The following DNAJC21 variants were observed in gnomAD, a reference collection of about 807,000 sequenced individuals.
The protein encoded by DNAJC21 is dnaJ homolog subfamily C member 21.
Under a neutral mutation model 72.4 loss-of-function variants are expected in DNAJC21, and 63 were observed. That is an observed-to-expected ratio of 0.87 (90% CI 0.71 to 1.07). The LOEUF is 1.07. Among genes scored for constraint, DNAJC21 ranks in the 50% least tolerant of loss-of-function variants. The pLI is 0.00. For synonymous variants in DNAJC21, 203 were observed against 216.7 expected (o/e 0.94, Z 0.56); for missense variants, 634 against 644.8 (o/e 0.98, Z 0.18).
chr5:34,941,221 A>C, intron 7 of DNAJC21, 38 bp downstream of exon 7: 1 of 1,564,846 alleles, frequency 6.4e-7, no homozygotes, highest in Non-Finnish European at 8.8e-7. Context: ...ATTTTGAGAC[A>C]GGGTCTCACT....
At position 34,958,003 on chromosome 5, in the gene DNAJC21, T is replaced by G. The variant is rs527339236; in HGVS notation, c.*3289T>G. On this transcript the variant is annotated 3_prime_UTR_variant, in exon 12 of 12. Transcript: ENST00000648817. ...GAAAAATTAGAGGTGATTTTCAGAT[T>G]TCTTGTTCTATGGAAGAGGAAGCTG... 6 of 152,284 alleles carry G rather than the reference T, an allele frequency of 3.9e-5. No homozygotes were observed. The highest frequency in any genetic ancestry group is 1.9e-4 in the East Asian group (1 of 5,180). 9.4% of individuals were successfully genotyped at this position (152,284 alleles called of 1,614,324 possible).
intron 7 of DNAJC21, among the ~76,000 whole-genome samples, chr5:34,943,608 G>T (rs1301118401): frequency 6.6e-6 from 1 of 152,156 alleles, no homozygotes; most frequent in Non-Finnish European, 1.5e-5. Flanking sequence ...TTAAAACTAT[G>T]CAGATATCTT....
At chr5:34,930,380 CTTAGTTAAGAAG>C (rs1764549399) in intron 1 of DNAJC21, 1 of 152,522 alleles carries the variant, frequency 6.6e-6, no homozygotes. Context: ...CTTTTCGTTT[CTTAGTTAAGAAG>C]TTAAGACACG....
chr5:34,953,441 T>C (rs541612219), intron 10 of DNAJC21: 1 of 152,222 alleles, frequency 6.6e-6, no homozygotes, highest in East Asian at 2.0e-4. Context: ...TTTATATTTT[T>C]AATAGAGGCG....
chr5:34,954,154 T>C, intron 11 of DNAJC21, 153 bp downstream of exon 11: 1 of 576,522 alleles, frequency 1.7e-6, no homozygotes, highest in Admixed American at 4.0e-5. Context: ...ATAATGTATC[T>C]TTTTTTTTCA....
intron 6 of DNAJC21, among the ~76,000 whole-genome samples, chr5:34,939,289 C>T (rs959224338): frequency 3.3e-5 from 5 of 150,690 alleles, no homozygotes; most frequent in East Asian, 3.9e-4. Flanking sequence ...GACGGAGTCT[C>T]GCTCTGTCGC....
At chr5:34,943,300 C>T (rs1187477293) in intron 7 of DNAJC21, among the ~76,000 whole-genome samples, 6 of 152,108 alleles carry the variant, frequency 3.9e-5, no homozygotes, top group African/African-American at 1.4e-4. Flanking sequence ...TTTAGAAGTA[C>T]ACTGTTTTCA....
chr5:34,952,296 G>T, intron 10 of DNAJC21: 1 of 961,798 alleles, frequency 1.0e-6, no homozygotes, highest in Non-Finnish European at 1.2e-6. Context: ...TTGAAAATTA[G>T]TATGTATTAT....
intron 7 of DNAJC21, among the ~76,000 whole-genome samples, chr5:34,942,643 G>A (rs559836044): frequency 2.0e-5 from 3 of 152,228 alleles, no homozygotes; most frequent in South Asian, 2.1e-4. Context: ...TGTTACTAAC[G>A]TTTTGCACAA....
chr5:34,932,370 A>G (rs1363123891), intron 1 of DNAJC21, among the ~76,000 whole-genome samples: 1 of 151,450 alleles, frequency 6.6e-6, no homozygotes, highest in Non-Finnish European at 1.5e-5. Context: ...GCAGTGAGCC[A>G]AGATCGCGCC....
rs776240768 is a variant in DNAJC21, at chr5:34,945,013, C to T, written c.1130C>T (p.Ala377Val). The part of the protein sequence containing the change: ...DDNSEEEMED[A>V]PKQKLSKKQK... ...AATTCTGAGGAAGAAATGGAAGATG[C>T]ACCAAAACAAAAGTACTTCTAAATA... The change falls in exon 8 of 12, where the codon GCA becomes GTA. Residue 377 changes from alanine to valine, a missense_variant. Physicochemically the swap from Ala to Val is moderately conservative, Grantham distance 64. Transcript: ENST00000648817. The T allele has an allele frequency of 1.2e-6, 2 of 1,612,664 alleles. No individual in the cohort carries two copies. Among genetic ancestry groups the T allele is most frequent in the Admixed American group, 1.7e-5 (1 of 59,542 alleles).
chr5:34,937,418 C>A lies in DNAJC21; in HGVS notation c.531C>A (p.Asn177Lys). Reference sequence around the variant, plus strand: ...AATATGATACACGACAGGCTTCAAACCGCTGGGAAAAACGAGCCATGGAAA... The same window carrying A: ...AATATGATACACGACAGGCTTCAAAACGCTGGGAAAAACGAGCCATGGAAA... Reference protein sequence around the residue: ...KEEYDTRQASNRWEKRAMEKE... With the variant: ...KEEYDTRQASKRWEKRAMEKE... The change falls in exon 5 of 12, where the codon AAC (asparagine) becomes AAA (lysine). Residue 177 changes from asparagine to lysine, a missense_variant. Physicochemically the swap from Asn to Lys is moderately conservative, Grantham distance 94. Transcript: ENST00000648817. 6.2e-7 allele frequency: 1 copy of A among 1,614,118 alleles called. No individual in the cohort carries two copies. Among genetic ancestry groups the A allele is most frequent in the Non-Finnish European group, 8.5e-7 (1 of 1,180,034 alleles).
intron 10 of DNAJC21, chr5:34,953,449 G>A (rs1231498376): frequency 6.6e-6 from 1 of 152,102 alleles, no homozygotes; most frequent in East Asian, 1.9e-4. Flanking sequence ...TTTAATAGAG[G>A]CGGAGGTTTC....
rs1764833319 is a variant in DNAJC21 at position 34,937,642 on chromosome 5, G to GC, written c.743+13dup. On this transcript the variant is annotated intron_variant, in intron 5 of 11. Coordinates refer to ENST00000648817, the MANE Select transcript of DNAJC21 (RefSeq NM_001012339.3). ...CTAAAGCAGGCCAAGTGCGTAGCGTGCGTGGGGCCCTCTTCTCAGTATCGG... is the reference window on the plus strand; with the variant it reads ...CTAAAGCAGGCCAAGTGCGTAGCGTGCCGTGGGGCCCTCTTCTCAGTATCGG... The GC allele has an allele frequency of 6.2e-7, 1 of 1,602,498 alleles. No individual in the cohort carries two copies. The highest frequency in any genetic ancestry group is 1.3e-5 in the African/African-American group (1 of 74,440).
intron 2 of DNAJC21, 78 bp downstream of exon 2, chr5:34,933,986 A>C: frequency 7.9e-7 from 1 of 1,261,312 alleles, no homozygotes; most frequent in Non-Finnish European, 1.1e-6. Context: ...GTTTTTTCAA[A>C]TTTAGTACAT....
At chr5:34,949,290 A>G (rs1356003947) in intron 9 of DNAJC21, among the ~76,000 whole-genome samples, 3 of 152,158 alleles carry the variant, frequency 2.0e-5, no homozygotes, top group African/African-American at 7.2e-5. Context: ...ATTATGGGAC[A>G]CTCTACAAAA....
chr5:34,945,121 A>G, intron 8 of DNAJC21, 96 bp downstream of exon 8: 1 of 1,457,918 alleles, frequency 6.9e-7, no homozygotes, highest in Non-Finnish European at 9.3e-7. Context: ...TCTGTTGCCC[A>G]GGCTGGGGTG....
intron 3 of DNAJC21, 86 bp from the exon 4 acceptor site, chr5:34,936,058 A>G: frequency 1.3e-6 from 2 of 1,535,064 alleles, no homozygotes; most frequent in Non-Finnish European, 1.7e-6. Context: ...CTTCAACATT[A>G]AAATTTTTCA....
At chr5:34,951,279 C>T in intron 10 of DNAJC21, 1 of 985,444 alleles carries the variant, frequency 1.0e-6, no homozygotes, top group Non-Finnish European at 1.2e-6. Context: ...CACTCTGACA[C>T]CAGGTGTTTG....
Sources: gnomAD v4.1 joint callset for allele counts (sites outside exome capture counted in the v4.1 genomes callset) on GRCh38, gnomAD v4.1.1 for gene constraint, MANE v1.5 for transcripts, NCBI Gene and HGNC (gene_info 2026-07-23, HGNC 2026-07-21) for gene names.